The following SCRIB variants were observed in gnomAD, a reference collection of about 807,000 sequenced individuals.
The protein encoded by SCRIB is protein scribble homolog.
Under a neutral mutation model 170.0 loss-of-function variants are expected in SCRIB, and 72 were observed. That is an observed-to-expected ratio of 0.42 (90% confidence interval 0.35 to 0.52). The LOEUF (loss-of-function observed/expected upper bound fraction) is 0.52. SCRIB is among the 20% of genes least tolerant of loss of function. The probability of loss-of-function intolerance (pLI) is 0.02; values close to 1 mark genes in which losing one functional copy is unlikely to be tolerated. For synonymous variants in SCRIB, 1,298 were observed against 1,044.3 expected (o/e 1.24, Z -4.68); for missense variants, 2,475 against 2,338.5 (o/e 1.06, Z -1.20).
Position 143,792,861 on chromosome 8 carries a change from T to TG in SCRIB, c.4023dup (p.Thr1342HisfsTer21). ...TCCGGGGAGGCTGCAGGCCCAGGCG[T>TG]GGGGGGCTGGGGGGAGCGGACCTTG... On this transcript the variant is annotated frameshift_variant, in exon 30 of 37. Coordinates refer to ENST00000356994, the MANE Select transcript of SCRIB (RefSeq NM_182706.5). LOFTEE classifies it high-confidence loss of function. 6.6e-7 allele frequency: 1 copy of TG among 1,507,958 alleles called. No homozygotes were observed. The highest frequency in any genetic ancestry group is 8.8e-7 in the Non-Finnish European group (1 of 1,133,362). The allele number at this position is 1,507,958 out of a possible 1,614,324, so 93.4% of individuals were successfully genotyped here.
At chr8:143,796,352 T>TC (rs1191004104) in intron 24 of SCRIB, among the ~76,000 whole-genome samples, 1 of 151,860 alleles carries the variant, frequency 6.6e-6, no homozygotes, top group African/African-American at 2.4e-5. Context: ...ACAGACGGGG[T>TC]CCCTGCAAAA....
intron 18 of SCRIB, 21 bp from the exon 19 acceptor site, chr8:143,805,456 G>A (rs1815382481): frequency 6.8e-7 from 1 of 1,461,844 alleles, no homozygotes; most frequent in Non-Finnish European, 9.0e-7. Context: ...GGGACCACGT[G>A]CGTATTCAGG....
rs1212324086 is a variant in SCRIB at position 143,812,854 on chromosome 8, C to G, written c.750G>C (p.Leu250=). Reference sequence around the variant, plus strand: ...GCAGCCTCCGCAGCAGGTTCTGGGACAGCAGCAGGTCAGTGAGCAGCACCA... The same window carrying G: ...GCAGCCTCCGCAGCAGGTTCTGGGAGAGCAGCAGGTCAGTGAGCAGCACCA... ...GGLVLLTDLL[L]SQNLLRRLPD... is the part of the protein sequence containing the mutation. The change falls in exon 8 of 37, where the codon CTG becomes CTC. Residue 250 remains leucine, a synonymous_variant. Coordinates refer to ENST00000356994, the MANE Select transcript of SCRIB (RefSeq NM_182706.5). The G allele has an allele frequency of 7.5e-6, 12 of 1,605,814 alleles. No homozygotes were observed. Among genetic ancestry groups the G allele is most frequent in the Admixed American group, 1.7e-5 (1 of 60,006 alleles).
intron 24 of SCRIB, among the ~76,000 whole-genome samples, chr8:143,798,613 A>C (rs1383618272): frequency 6.6e-6 from 1 of 152,224 alleles, no homozygotes; most frequent in Non-Finnish European, 1.5e-5. Context: ...TTTTGAAATT[A>C]AGGAATTAAG....
intron 14 of SCRIB, 42 bp downstream of exon 14, chr8:143,809,509 C>G (rs1364063807): frequency 1.9e-6 from 3 of 1,581,090 alleles, no homozygotes; most frequent in Non-Finnish European, 1.7e-6. Flanking sequence ...CAGCCCCCAC[C>G]CAGCAGGCCC....
intron 11 of SCRIB, 37 bp from the exon 12 acceptor site, chr8:143,810,853 C>T: frequency 6.2e-7 from 1 of 1,606,506 alleles, no homozygotes; most frequent in Non-Finnish European, 8.5e-7. Flanking sequence ...GGCTAGTCCC[C>T]AAACCCTGCC....
rs1554632417 is a variant in SCRIB at position 143,791,030 on chromosome 8, T to G, written c.*133A>C. ...CGAGGTCTCGGCTGGGGTGGGGCAG[T>G]TAGTTAGTCACAGGCCAGAACTCCT... On this transcript the variant is annotated 3_prime_UTR_variant, in exon 37 of 37. Transcript: ENST00000356994. 6.4e-6 allele frequency: 6 copies of G among 933,440 alleles called. No individual in the cohort carries two copies. The highest frequency in any genetic ancestry group is 3.4e-5 in the African/African-American group (2 of 58,168). 57.8% of individuals were successfully genotyped at this position (933,440 alleles called of 1,614,324 possible). A position where few individuals can be genotyped will look rare whatever the true frequency, so the allele number is the denominator to read the frequency against.
chr8:143,795,624 C>T (rs1474891432), intron 24 of SCRIB, 94 bp from the exon 25 acceptor site: 47 of 1,106,254 alleles, frequency 4.2e-5, no homozygotes, highest in Admixed American at 6.0e-5. Context: ...TAGTCAGCAA[C>T]GGTGAGCCCA....
Position 143,791,868 on chromosome 8 carries a change from C to A in SCRIB, c.4695+8G>T. The stretch of plus-strand genomic sequence containing the variant: ...GGTGAAGGGAAGGCATAGCCACCGG[C>A]TCCTCACCAGGCGTCCCGGGGAGGT... On this transcript the variant is annotated splice_region_variant and intron_variant, in intron 34 of 36. Transcript: ENST00000356994. 2.0e-6 allele frequency: 3 copies of A among 1,534,548 alleles called. No individual in the cohort carries two copies. Among genetic ancestry groups the A allele is most frequent in the Non-Finnish European group, 2.6e-6 (3 of 1,137,734 alleles).
At position 143,812,499 on chromosome 8, in the gene SCRIB, C is replaced by T. The variant is rs575546729; in HGVS notation, c.788-115G>A. On this transcript the variant is annotated intron_variant, in intron 8 of 36. Coordinates refer to ENST00000356994, the MANE Select transcript of SCRIB (RefSeq NM_182706.5). ...CAAGGCCCCCAGCCCCTTCTGCCGCCGCCGTACTTCGGGAGGACCCTACCT... is the reference window on the plus strand; with the variant it reads ...CAAGGCCCCCAGCCCCTTCTGCCGCTGCCGTACTTCGGGAGGACCCTACCT... 1.6e-5 allele frequency: 13 copies of T among 826,266 alleles called. No homozygotes were observed. In the African/African-American group the frequency reaches 2.1e-4, roughly 13 times the overall value. The allele number at this position is 826,266 out of a possible 1,614,324, so 51.2% of individuals were successfully genotyped here.
intron 33 of SCRIB, 34 bp from the exon 34 acceptor site, chr8:143,791,947 C>T (rs1369904778): frequency 6.0e-6 from 9 of 1,506,636 alleles, no homozygotes; most frequent in African/African-American, 2.8e-5. Context: ...TGGAAGCAGC[C>T]CATGCGGCAG....
chr8:143,803,092 C>A (rs552069350), intron 24 of SCRIB, among the ~76,000 whole-genome samples: 1 of 152,168 alleles, frequency 6.6e-6, no homozygotes, highest in Non-Finnish European at 1.5e-5. Flanking sequence ...TCTTTTAGGA[C>A]CAGACCACGT....
In SCRIB at chr8:143,805,357, T is replaced by C. The variant is rs782011951; in HGVS notation, c.2425A>G (p.Met809Val). ...ACCATGCGCTCCCGCCACACTCGCATCTGCACGGCAGTGCCGGCCCCCCGG... is the reference window on the plus strand; with the variant it reads ...ACCATGCGCTCCCGCCACACTCGCACCTGCACGGCAGTGCCGGCCCCCCGG... ...ALRGAGTAVQ[M>V]RVWRERMVEP... The change falls in exon 19 of 37, where the codon ATG (methionine) becomes GTG (valine). Residue 809 changes from methionine (M) to valine (V), a missense_variant. Met to Val is a conservative substitution (Grantham distance 21). Around this residue, in one of 3 missense-constraint regions of SCRIB, gnomAD observed 1,966 missense variants for 1,742.9 expected, o/e 1.13. Transcript: ENST00000356994. 6.4e-7 allele frequency: 1 copy of C among 1,552,326 alleles called. No individual in the cohort carries two copies. Among genetic ancestry groups the C allele is most frequent in the Non-Finnish European group, 8.7e-7 (1 of 1,154,982 alleles).
At position 143,813,479 on chromosome 8, in the gene SCRIB, G is replaced by A. The variant is rs2130151390; in HGVS notation, c.494C>T (p.Ser165Phe). ...TGCCTGTCACACTCACGCTGGCAGGGACTTGAGCAGGTTCTCCCGGAGCTC... is the reference window on the plus strand; with the variant it reads ...TGCCTGTCACACTCACGCTGGCAGGAACTTGAGCAGGTTCTCCCGGAGCTC... Reference protein sequence around the residue: ...TLELRENLLKSLPASLSFLVK... With the variant: ...TLELRENLLKFLPASLSFLVK... Residue 165 changes from serine (S) to phenylalanine (F), a missense_variant, in exon 5 of 37, where the codon TCC becomes TTC. By Grantham distance (155) the Ser-to-Phe change is radical (BLOSUM62 -2). Around this residue, in one of 3 missense-constraint regions of SCRIB, gnomAD observed 487 missense variants for 558.1 expected, o/e 0.87. Transcript: ENST00000356994. 1.2e-6 allele frequency: 2 copies of A among 1,613,238 alleles called. No individual in the cohort carries two copies. The highest frequency in any genetic ancestry group is 2.2e-5 in the East Asian group (1 of 44,878).
Position 143,806,843 on chromosome 8 carries a change from C to A in SCRIB, c.2268+81G>T. 4 of 1,014,340 alleles carry A rather than the reference C, an allele frequency of 3.9e-6. No homozygotes were observed. In the South Asian group the frequency reaches 4.6e-5, roughly 12 times the overall value. 62.8% of individuals were successfully genotyped at this position (1,014,340 alleles called of 1,614,324 possible). A position where few individuals can be genotyped will look rare whatever the true frequency, so the allele number is the denominator to read the frequency against. On this transcript the variant is annotated intron_variant, in intron 17 of 36. Coordinates refer to ENST00000356994, the MANE Select transcript of SCRIB (RefSeq NM_182706.5). The stretch of plus-strand genomic sequence containing the variant: ...CCAGAGCGTGTGAGTGTTCTCAGGG[C>A]AAGGGGCCTGTGTGCCATCAGTGTG...
intron 15 of SCRIB, 81 bp downstream of exon 15, chr8:143,808,528 C>T (rs1225309691): frequency 1.5e-5 from 22 of 1,468,674 alleles, no homozygotes; most frequent in South Asian, 1.5e-5. Flanking sequence ...GGTCAGGCCT[C>T]GGCCCTGCTC....
intron 24 of SCRIB, among the ~76,000 whole-genome samples, chr8:143,802,638 C>A (rs1270142726): frequency 6.6e-6 from 1 of 152,232 alleles, no homozygotes; most frequent in Non-Finnish European, 1.5e-5. Flanking sequence ...CACACCCTGG[C>A]GCCAGTGAAG....
chr8:143,805,087 C>T (rs781849386), intron 19 of SCRIB, 25 bp downstream of exon 19: 74 of 1,593,958 alleles, frequency 4.6e-5, no homozygotes, highest in Non-Finnish European at 5.9e-5. Context: ...GAGCAGCCCT[C>T]CCCGGCCCTG....
intron 28 of SCRIB, chr8:143,793,350 G>A (rs1814793630): frequency 7.5e-6 from 3 of 402,584 alleles, no homozygotes; most frequent in South Asian, 9.3e-5. Context: ...TCTAAAAAAG[G>A]CAGGTGGGGG....
Sources: gnomAD v4.1 joint callset for allele counts (sites outside exome capture counted in the v4.1 genomes callset) on GRCh38, gnomAD v4.1.1 for gene constraint, gnomAD v4.1.1 regional missense constraint, MANE v1.5 for transcripts, NCBI Gene and HGNC (gene_info 2026-07-23, HGNC 2026-07-21) for gene names.